DLGAP3: variants seen among roughly 807,000 people sequenced by gnomAD.
DLGAP3 encodes the protein DLG associated protein 3, also known as disks large-associated protein 3.
DLGAP3 carries 17 observed loss-of-function variants against 81.2 expected under a neutral mutation model. The observed-to-expected ratio is 0.21, with a 90% confidence interval of 0.14 to 0.31. The LOEUF is 0.31. Among genes scored for constraint, DLGAP3 ranks in the 10% least tolerant of loss-of-function variants. The pLI is 1.00. For missense variants in DLGAP3, 1,124 were observed against 1,388.0 expected (o/e 0.81, Z 3.02); for synonymous variants, 577 against 587.4 (o/e 0.98, Z 0.26).
At chr1:34,884,519 G>C (rs545450170) in intron 8 of DLGAP3, among the ~76,000 whole-genome samples, 1 of 150,712 alleles carries the variant, frequency 6.6e-6, no homozygotes, top group Non-Finnish European at 1.5e-5. Flanking sequence ...TTAAATGCTT[G>C]TGTGAGCCAA....
In DLGAP3 at chr1:34,886,397, G is replaced by T. The variant is rs994308767; in HGVS notation, c.1387-112C>A. On this transcript the variant is annotated intron_variant, in intron 5 of 11. Coordinates refer to ENST00000373347, the MANE Select transcript of DLGAP3 (RefSeq NM_001080418.3). ...CTCTATATCTGCAGAGGCTGTAGGC[G>T]ACTCTTCCGCATTTGAACTAAAAGA... 8.7e-6 allele frequency: 9 copies of T among 1,029,188 alleles called. No homozygotes were observed. The African/African-American group carries it at 9.7e-5, about 11-fold the overall frequency. 63.8% of individuals were successfully genotyped at this position (1,029,188 alleles called of 1,614,324 possible). A position where few individuals can be genotyped will look rare whatever the true frequency, so the allele number is the denominator to read the frequency against.
chr1:34,875,539 A>T (rs921046252), intron 8 of DLGAP3, among the ~76,000 whole-genome samples: 1 of 152,124 alleles, frequency 6.6e-6, no homozygotes, highest in Admixed American at 6.5e-5. Context: ...GTTTTTGCTA[A>T]ATTTACAATT....
At chr1:34,913,564 G>A (rs1370772134) in intron 1 of DLGAP3, among the ~76,000 whole-genome samples, 8 of 152,116 alleles carry the variant, frequency 5.3e-5, no homozygotes, top group Non-Finnish European at 1.0e-4. Flanking sequence ...ATTGCCCTTT[G>A]AAATTATTTT....
At chr1:34,920,872 A>G (rs2148420512) in intron 1 of DLGAP3, among the ~76,000 whole-genome samples, 1 of 152,366 alleles carries the variant, frequency 6.6e-6, no homozygotes, top group East Asian at 1.9e-4. Flanking sequence ...TACCAAATAT[A>G]TAAAATAATG....
rs1487293430 is a variant in DLGAP3, at chr1:34,904,599, C to A, written c.785G>T (p.Ser262Ile). 5.6e-6 allele frequency: 9 copies of A among 1,614,140 alleles called. No individual in the cohort carries two copies. Among genetic ancestry groups the A allele is most frequent in the Non-Finnish European group, 7.6e-6 (9 of 1,180,056 alleles). The change falls in exon 3 of 12, where the codon AGT (serine) becomes ATT (isoleucine). Residue 262 changes from serine (S) to isoleucine (I), a missense_variant. Physicochemically the swap from Ser to Ile is moderately radical, Grantham distance 142. This residue lies in a region of DLGAP3 where 357 missense variants were observed against 408.8 expected (regional missense o/e 0.87). Coordinates refer to ENST00000373347, the MANE Select transcript of DLGAP3 (RefSeq NM_001080418.3). This position sits in a 1 kb window ranked among gnomAD's most constrained non-coding sequence, Gnocchi z 8.1. ...ATCACTGTCCAAGTTGTCATCGGAACTCCACCAGCCTGTGGACTTGGCCTG... is the reference window on the plus strand; with the variant it reads ...ATCACTGTCCAAGTTGTCATCGGAAATCCACCAGCCTGTGGACTTGGCCTG... ...RHQAKSTGWW[S>I]SDDNLDSDSG...
chr1:34,918,297 G>A (rs747295270), intron 1 of DLGAP3, among the ~76,000 whole-genome samples: 4 of 152,202 alleles, frequency 2.6e-5, no homozygotes, highest in Admixed American at 6.5e-5. Context: ...GCCTCACCTC[G>A]AGGTGTGCCC....
At position 34,873,688 on chromosome 1, in the gene DLGAP3, G is replaced by A. The variant is rs999728460; in HGVS notation, c.2001-4599C>T. ...GTAGTTATTAATTATTATGATTGCT[G>A]TTGATCATTTCCATCTGTTCTCCCA... is the stretch of plus-strand genomic sequence containing the variant. On this transcript the variant is annotated intron_variant, in intron 8 of 11. Transcript: ENST00000373347. The surrounding 1 kb of genome is among the most constrained non-coding windows in gnomAD (Gnocchi z 4.2). Among the ~76,000 whole-genome samples the A allele has an allele frequency of 3.3e-5, 5 of 152,176 alleles. No individual in the cohort carries two copies. The highest frequency in any genetic ancestry group is 1.2e-4 in the African/African-American group (5 of 41,428).
In DLGAP3 at chr1:34,885,781, G is replaced by T; in HGVS notation, c.1611C>A (p.Phe537Leu). 7.1e-7 allele frequency: 1 copy of T among 1,407,792 alleles called. No individual in the cohort carries two copies. The highest frequency in any genetic ancestry group is 9.2e-7 in the Non-Finnish European group (1 of 1,088,702). 87.2% of individuals were successfully genotyped at this position (1,407,792 alleles called of 1,614,324 possible). A position where few individuals can be genotyped will look rare whatever the true frequency, so the allele number is the denominator to read the frequency against. ...VSGRPGSSFN[F>L]RKAPPPIPPG... is the part of the protein sequence containing the mutation. ...GCGGGATGGGGGGCGGGGCCTTTCT[G>T]AAGTTGAAGGCTGTGGCCGGCGAGC... The change falls in exon 7 of 12, where the codon TTC becomes TTA. Residue 537 changes from phenylalanine to leucine, a missense_variant. By Grantham distance (22) the Phe-to-Leu change is conservative. Transcript: ENST00000373347.
At chr1:34,880,587 C>T (rs776248429) in intron 8 of DLGAP3, among the ~76,000 whole-genome samples, 3 of 151,618 alleles carry the variant, frequency 2.0e-5, no homozygotes, top group Non-Finnish European at 2.9e-5. Flanking sequence ...AAAAATTAGC[C>T]GGGCATGGTG....
chr1:34,909,560 G>C (rs895762395), intron 1 of DLGAP3, among the ~76,000 whole-genome samples: 11 of 152,014 alleles, frequency 7.2e-5, no homozygotes, highest in African/African-American at 2.7e-4. Flanking sequence ...CTTTCTTTTG[G>C]ATTTACAAAA....
rs1569588653 is a variant in DLGAP3 at position 34,867,448 on chromosome 1, A to T, written c.2577+88T>A. ...CTGGTCTCACCTCTGGTACACACTCACTCTGGGTCACCTGCCTGTCTCACC... is the reference window on the plus strand; with the variant it reads ...CTGGTCTCACCTCTGGTACACACTCTCTCTGGGTCACCTGCCTGTCTCACC... On this transcript the variant is annotated intron_variant, in intron 10 of 11. Transcript: ENST00000373347. The surrounding 1 kb of genome is among the most constrained non-coding windows in gnomAD (Gnocchi z 4.3). 5.7e-6 allele frequency: 7 copies of T among 1,234,360 alleles called. No homozygotes were observed. The highest frequency in any genetic ancestry group is 2.4e-5 in the South Asian group (2 of 83,524). 76.5% of individuals were successfully genotyped at this position (1,234,360 alleles called of 1,614,324 possible).
intron 8 of DLGAP3, among the ~76,000 whole-genome samples, chr1:34,871,051 T>G (rs962049940): frequency 6.6e-6 from 1 of 152,178 alleles, no homozygotes; most frequent in Non-Finnish European, 1.5e-5. Flanking sequence ...TAAAATTATA[T>G]TTTGCATATT....
At chr1:34,892,995 A>AC (rs1639335246) in intron 5 of DLGAP3, among the ~76,000 whole-genome samples, 1 of 151,280 alleles carries the variant, frequency 6.6e-6, no homozygotes, top group Non-Finnish European at 1.5e-5. Flanking sequence ...ACAAGGTGAA[A>AC]CCCCGTCTCT....
At chr1:34,871,080 C>T in intron 8 of DLGAP3, among the ~76,000 whole-genome samples, 1 of 152,144 alleles carries the variant, frequency 6.6e-6, no homozygotes, top group East Asian at 1.9e-4. Flanking sequence ...TGGGGCCCTC[C>T]CCAGTCCACC....
intron 5 of DLGAP3, among the ~76,000 whole-genome samples, chr1:34,899,004 A>G (rs1178548922): frequency 6.6e-6 from 1 of 151,742 alleles, no homozygotes; most frequent in Non-Finnish European, 1.5e-5. Context: ...CTCAGGACAG[A>G]GGGGTAAGGT....
chr1:34,915,520 G>A (rs965412942), intron 1 of DLGAP3, among the ~76,000 whole-genome samples: 4 of 152,198 alleles, frequency 2.6e-5, no homozygotes, highest in Non-Finnish European at 5.9e-5. Context: ...GGTGTCCAGA[G>A]CTTGGGACAG....
In DLGAP3 at chr1:34,904,300, C is replaced by T; in HGVS notation, c.1084G>A (p.Ala362Thr). ...ACCTGCAGATAGTGATAAGTCCTGG[C>T]TTTGGCCTTGGTCTCCGGACCCAGG... ...GLLGPETKAK[A>T]RTYHYLQVPQ... Residue 362 changes from alanine (A) to threonine (T), a missense_variant, in exon 3 of 12, where the codon GCC (alanine) becomes ACC (threonine). Around this residue, in one of 9 missense-constraint regions of DLGAP3, gnomAD observed 357 missense variants for 408.8 expected, o/e 0.87. Coordinates refer to ENST00000373347, the MANE Select transcript of DLGAP3 (RefSeq NM_001080418.3). The surrounding 1 kb of genome is among the most constrained non-coding windows in gnomAD (Gnocchi z 8.1). 1 of 1,606,908 alleles carries T rather than the reference C, an allele frequency of 6.2e-7. No homozygotes were observed.
chr1:34,877,158 G>A (rs1001683599), intron 8 of DLGAP3, among the ~76,000 whole-genome samples: 5 of 152,174 alleles, frequency 3.3e-5, no homozygotes, highest in African/African-American at 1.2e-4. Flanking sequence ...TATGCTAGAG[G>A]CTGGATGAAA....
chr1:34,887,561 G>A (rs1639253151), intron 5 of DLGAP3, among the ~76,000 whole-genome samples: 1 of 152,172 alleles, frequency 6.6e-6, no homozygotes, highest in African/African-American at 2.4e-5. Context: ...AAAAGTAAAG[G>A]CAGGAAAAGG....
Sources: gnomAD v4.1 joint callset for allele counts (sites outside exome capture counted in the v4.1 genomes callset) on GRCh38, gnomAD v4.1.1 for gene constraint, gnomAD v4.1.1 regional missense constraint, Gnocchi (gnomAD v3.1) non-coding constraint, MANE v1.5 for transcripts, NCBI Gene and HGNC (gene_info 2026-07-23, HGNC 2026-07-21) for gene names.